GOLGA6B: variants seen among roughly 807,000 people sequenced by gnomAD.
GOLGA6B encodes golgin A6 family member B.
In GOLGA6B, 11 loss-of-function variants were observed where a neutral mutation model predicts 63.0. That is an observed-to-expected ratio of 0.17 (90% CI 0.11 to 0.29). The LOEUF is 0.29. Ranked by LOEUF, GOLGA6B falls within the 10% of genes least tolerant of loss-of-function variation. The probability of loss-of-function intolerance (pLI) is 1.00; values close to 1 mark genes in which losing one functional copy is unlikely to be tolerated. For synonymous variants in GOLGA6B, 46 were observed against 232.6 expected (o/e 0.20, Z 7.30); for missense variants, 134 against 563.8 (o/e 0.24, Z 7.72).
At chr15:72,664,558 G>A in intron 13 of GOLGA6B, 47 bp downstream of exon 13, 1 of 1,209,366 alleles carries the variant, frequency 8.3e-7, no homozygotes. Flanking sequence ...CAGGAGGAAG[G>A]GGGGACTGTT....
chr15:72,666,309 C>T lies in GOLGA6B; in HGVS notation c.2049C>T (p.Ile683=), dbSNP rs538408063. The change falls in exon 18 of 18, where the codon ATC becomes ATT. Residue 683 remains isoleucine, a synonymous_variant. Coordinates refer to ENST00000421285, the MANE Select transcript of GOLGA6B (RefSeq NM_018652.5). ...SPHDNPTVQQ[I]VQLSPVMQDT ...ATGACAACCCCACTGTACAGCAGAT[C>T]GTGCAGCTGTCTCCTGTCATGCAGG... 1.0e-5 allele frequency: 16 copies of T among 1,571,680 alleles called. No homozygotes were observed. Among genetic ancestry groups the T allele is most frequent in the Admixed American group, 8.9e-5 (5 of 55,942 alleles).
In GOLGA6B at chr15:72,662,257, C is replaced by A. The variant is rs775705376; in HGVS notation, c.853C>A (p.Pro285Thr). ...LSELKNQMAK[P>T]PSLAPPAVTS... ...TTGTCTGCTTCATTTCTCAGCTAAG[C>A]CCCCATCCCTGGCGCCCCCAGCAGT... Residue 285 changes from proline to threonine, a missense_variant, in exon 11 of 18, where the codon CCC (proline) becomes ACC (threonine). By Grantham distance (38) the Pro-to-Thr change is conservative. Coordinates refer to ENST00000421285, the MANE Select transcript of GOLGA6B (RefSeq NM_018652.5). The A allele has an allele frequency of 5.9e-5, 81 of 1,381,930 alleles. 20 individuals carry two copies. Among genetic ancestry groups the A allele is most frequent in the Non-Finnish European group, 7.6e-5 (78 of 1,022,904 alleles). The allele number at this position is 1,381,930 out of a possible 1,614,324, so 85.6% of individuals were successfully genotyped here.
In GOLGA6B at chr15:72,669,546, T is replaced by TTGAC. The variant is rs1567380615; in HGVS notation, c.*3207_*3210dup. On this transcript the variant is annotated 3_prime_UTR_variant, in exon 18 of 18. Coordinates refer to ENST00000421285, the MANE Select transcript of GOLGA6B (RefSeq NM_018652.5). ...AACACTGTTGCCTAAAGTGGCATTGTTGACTGCTACTGTGATGCTACTGTA... is the reference window on the plus strand; with the variant it reads ...AACACTGTTGCCTAAAGTGGCATTGTTGACTGACTGCTACTGTGATGCTACTGTA... Among the ~76,000 whole-genome samples the TTGAC allele has an allele frequency of 1.3e-5, 2 of 152,190 alleles. No individual in the cohort carries two copies. The highest frequency in any genetic ancestry group is 4.8e-5 in the African/African-American group (2 of 41,448).
In GOLGA6B at chr15:72,664,413, C is replaced by T. The variant is rs780452536; in HGVS notation, c.1426-23C>T. The T allele has an allele frequency of 4.5e-6, 6 of 1,319,140 alleles. 1 individual carries two copies. The highest frequency in any genetic ancestry group is 6.2e-6 in the Non-Finnish European group (6 of 961,642). 81.7% of individuals were successfully genotyped at this position (1,319,140 alleles called of 1,614,324 possible). ...TGACCTGGCAACCTCCGTGCCTTCT[C>T]ACTCTGTTTCCCGTCCCCTTAGGAG... On this transcript the variant is annotated intron_variant, in intron 12 of 17. Transcript: ENST00000421285.
chr15:72,664,056 C>G (rs1233129272), intron 12 of GOLGA6B, among the ~76,000 whole-genome samples: 1 of 129,652 alleles, frequency 7.7e-6, no homozygotes, highest in African/African-American at 2.7e-5. Context: ...GGTGCCCTCG[C>G]TACCCTATTA....
chr15:72,661,744 C>T lies in GOLGA6B; in HGVS notation c.760-15C>T, dbSNP rs2140468391. On this transcript the variant is annotated splice_polypyrimidine_tract_variant and intron_variant, in intron 9 of 17. Coordinates refer to ENST00000421285, the MANE Select transcript of GOLGA6B (RefSeq NM_018652.5). ...GCCCCTCTCTCCAGGGCCCTTTCCC[C>T]TGTGCTTTGGGCAGGCTCGAACATT... 1 of 437,488 alleles carries T rather than the reference C, an allele frequency of 2.3e-6. No homozygotes were observed. Among genetic ancestry groups the T allele is most frequent in the African/African-American group, 6.4e-5 (1 of 15,562 alleles). The allele number at this position is 437,488 out of a possible 1,614,324, so 27.1% of individuals were successfully genotyped here.
In GOLGA6B at chr15:72,664,448, G is replaced by A. The variant is rs750629201; in HGVS notation, c.1438G>A (p.Ala480Thr). 2.3e-6 allele frequency: 3 copies of A among 1,327,528 alleles called. No homozygotes were observed. Among genetic ancestry groups the A allele is most frequent in the Non-Finnish European group, 3.1e-6 (3 of 966,770 alleles). 82.2% of individuals were successfully genotyped at this position (1,327,528 alleles called of 1,614,324 possible). Residue 480 changes from alanine (A) to threonine (T), a missense_variant, in exon 13 of 18, where the codon GCT (alanine) becomes ACT (threonine). Coordinates refer to ENST00000421285, the MANE Select transcript of GOLGA6B (RefSeq NM_018652.5). Reference sequence around the variant, plus strand: ...CCCGTCCCCTTAGGAGCACCTAGAAGCTGCCAGCCAGCAGAACCAACAGCT... The same window carrying A: ...CCCGTCCCCTTAGGAGCACCTAGAAACTGCCAGCCAGCAGAACCAACAGCT... ...QEKLDEEHLE[A>T]ASQQNQQLET...
rs372560608 is a variant in GOLGA6B at position 72,664,226 on chromosome 15, T to G, written c.1426-210T>G. Among the ~76,000 whole-genome samples the G allele has an allele frequency of 1.2e-4, 16 of 130,312 alleles. 5 individuals carry two copies. The East Asian group carries it at 2.8e-3, about 23-fold the overall frequency. 85.5% of individuals were successfully genotyped at this position (130,312 alleles called of 152,430 possible). ...CGTGGCCACCTATCAGCAGCTGACC[T>G]CTGAGAAGGAGGCGCTGCACAGGCA... On this transcript the variant is annotated intron_variant, in intron 12 of 17. Transcript: ENST00000421285.
At position 72,664,504 on chromosome 15, in the gene GOLGA6B, G is replaced by A. The variant is rs2740411; in HGVS notation, c.1494G>A (p.Pro498=). 32 of 1,333,832 alleles carry A rather than the reference G, an allele frequency of 2.4e-5. 6 individuals carry two copies. The highest frequency in any genetic ancestry group is 1.4e-4 in the Admixed American group (7 of 51,480). 82.6% of individuals were successfully genotyped at this position (1,333,832 alleles called of 1,614,324 possible). ...CCCAGCTAAGCCTCGTGGCTCTCCCGGGAGAAGGTACAGGAGACCACTCAG... is the reference window on the plus strand; with the variant it reads ...CCCAGCTAAGCCTCGTGGCTCTCCCAGGAGAAGGTACAGGAGACCACTCAG... ...LETQLSLVAL[P]GEGDGGQHLD... is the part of the protein sequence containing the mutation. The change falls in exon 13 of 18, where the codon CCG becomes CCA. Residue 498 remains proline, a synonymous_variant. Transcript: ENST00000421285.
At position 72,661,179 on chromosome 15, in the gene GOLGA6B, G is replaced by A. The variant is rs2064594321; in HGVS notation, c.565-85G>A. ...AAATGCCTTGACCTTTACTGACCGA[G>A]TTGTATATTGAGCCTAGCCCTAGCC... On this transcript the variant is annotated intron_variant, in intron 7 of 17. Transcript: ENST00000421285. 4 of 1,485,246 alleles carry A rather than the reference G, an allele frequency of 2.7e-6. No homozygotes were observed. In the South Asian group the frequency reaches 4.6e-5, roughly 17 times the overall value. 92.0% of individuals were successfully genotyped at this position (1,485,246 alleles called of 1,614,324 possible). A position where few individuals can be genotyped will look rare whatever the true frequency, so the allele number is the denominator to read the frequency against.
At chr15:72,657,496 C>T (rs4777523) in intron 2 of GOLGA6B, among the ~76,000 whole-genome samples, 2 of 124,700 alleles carry the variant, frequency 1.6e-5, no homozygotes, top group Non-Finnish European at 3.4e-5. Context: ...TTCAGCGTTT[C>T]CTTTTCCTGA....
chr15:72,657,361 A>T (rs2064581261), intron 2 of GOLGA6B, among the ~76,000 whole-genome samples: 2 of 144,938 alleles, frequency 1.4e-5, no homozygotes, highest in South Asian at 2.2e-4. Flanking sequence ...TGGTCAGCTG[A>T]CTCCACTCTG....
rs534913285 is a variant in GOLGA6B, at chr15:72,664,532, G to A, written c.1501+21G>A. ...AGAAGGTACAGGAGACCACTCAGAGGAAGAGGAGAGAGCCCCAGGAGGAAG... is the reference window on the plus strand; with the variant it reads ...AGAAGGTACAGGAGACCACTCAGAGAAAGAGGAGAGAGCCCCAGGAGGAAG... On this transcript the variant is annotated intron_variant, in intron 13 of 17. Coordinates refer to ENST00000421285, the MANE Select transcript of GOLGA6B (RefSeq NM_018652.5). 1.4e-4 allele frequency: 182 copies of A among 1,319,858 alleles called. 28 individuals carry two copies. In the African/African-American group the frequency reaches 2.2e-3, roughly 16 times the overall value. The allele number at this position is 1,319,858 out of a possible 1,614,324, so 81.8% of individuals were successfully genotyped here.
At chr15:72,661,031 G>A (rs538343228) in intron 7 of GOLGA6B, among the ~76,000 whole-genome samples, 95 of 151,550 alleles carry the variant, frequency 6.3e-4, no homozygotes, top group African/African-American at 2.2e-3. Context: ...AGTAATAACA[G>A]TAATAACAAT....
chr15:72,664,000 G>A (rs2064616892), intron 12 of GOLGA6B, among the ~76,000 whole-genome samples: 1 of 129,926 alleles, frequency 7.7e-6, no homozygotes, highest in Non-Finnish European at 1.7e-5. Flanking sequence ...AGCCTCTTAG[G>A]CCTGGAGCAA....
chr15:72,669,030 G>A lies in GOLGA6B; in HGVS notation c.*2688G>A, dbSNP rs1391964671. The stretch of plus-strand genomic sequence containing the variant: ...TTGCTTAGAAGGCAACATTAGAAGG[G>A]TAGAGTTTAATCAGAAACATAGAAT... On this transcript the variant is annotated 3_prime_UTR_variant, in exon 18 of 18. Transcript: ENST00000421285. Among the ~76,000 whole-genome samples the A allele has an allele frequency of 1.3e-5, 2 of 150,780 alleles. No individual in the cohort carries two copies. The highest frequency in any genetic ancestry group is 2.4e-5 in the African/African-American group (1 of 41,180).
rs1415961147 is a variant in GOLGA6B at position 72,664,566 on chromosome 15, G to C, written c.1501+55G>C. The C allele has an allele frequency of 5.3e-6, 6 of 1,140,262 alleles. 1 individual carries two copies. Among genetic ancestry groups the C allele is most frequent in the Non-Finnish European group, 7.4e-6 (6 of 810,906 alleles). 70.6% of individuals were successfully genotyped at this position (1,140,262 alleles called of 1,614,324 possible). A position where few individuals can be genotyped will look rare whatever the true frequency, so the allele number is the denominator to read the frequency against. ...AGAGCCCCAGGAGGAAGGGGGGACT[G>C]TTAGCAGCATAGGATTGAGGGGTTG... On this transcript the variant is annotated intron_variant, in intron 13 of 17. Transcript: ENST00000421285.
At position 72,664,311 on chromosome 15, in the gene GOLGA6B, C is replaced by T. The variant is rs1330213055; in HGVS notation, c.1426-125C>T. On this transcript the variant is annotated intron_variant, in intron 12 of 17. Transcript: ENST00000421285. ...CAGCAGCAGGAAGCTTGGGGCAAAG[C>T]GGTGGCTGAGATGGCCGGCCAAAAG... 38 of 1,177,616 alleles carry T rather than the reference C, an allele frequency of 3.2e-5. 7 individuals carry two copies. The highest frequency in any genetic ancestry group is 8.1e-5 in the South Asian group (5 of 61,914). The allele number at this position is 1,177,616 out of a possible 1,614,324, so 72.9% of individuals were successfully genotyped here.
Position 72,664,396 on chromosome 15 carries a change from C to T in GOLGA6B, c.1426-40C>T, listed in dbSNP as rs1343152093. ...CGGGGCCCCGAGGGGGATGACCTGG[C>T]AACCTCCGTGCCTTCTCACTCTGTT... On this transcript the variant is annotated intron_variant, in intron 12 of 17. Coordinates refer to ENST00000421285, the MANE Select transcript of GOLGA6B (RefSeq NM_018652.5). The T allele has an allele frequency of 2.7e-5, 36 of 1,315,582 alleles. 5 individuals are homozygous for T. Among genetic ancestry groups the T allele is most frequent in the Non-Finnish European group, 3.2e-5 (31 of 960,064 alleles). The allele number at this position is 1,315,582 out of a possible 1,614,324, so 81.5% of individuals were successfully genotyped here. A position where few individuals can be genotyped will look rare whatever the true frequency, so the allele number is the denominator to read the frequency against.
Sources: gnomAD v4.1 joint callset for allele counts (sites outside exome capture counted in the v4.1 genomes callset) on GRCh38, gnomAD v4.1.1 for gene constraint, MANE v1.5 for transcripts, NCBI Gene and HGNC (gene_info 2026-07-23, HGNC 2026-07-21) for gene names.